Variants in SLC9A1 observed in about 807,000 individuals in gnomAD.
SLC9A1 encodes solute carrier family 9 member A1, also known as sodium/hydrogen exchanger 1.
A neutral mutation model predicts 67.9 loss-of-function variants in SLC9A1; 22 were observed. The ratio of observed to expected loss-of-function variants is 0.32; its 90% CI spans 0.23 to 0.46. SLC9A1 has a LOEUF of 0.46. SLC9A1 is among the 20% of genes least tolerant of loss of function. SLC9A1 has a pLI of 1.00. For synonymous variants in SLC9A1, 421 were observed against 471.8 expected (o/e 0.89, Z 1.40); for missense variants, 686 against 1,094.8 (o/e 0.63, Z 5.27).
intron 1 of SLC9A1, among the ~76,000 whole-genome samples, chr1:27,129,307 C>A (rs139777337): frequency 6.6e-6 from 1 of 152,142 alleles, no homozygotes; most frequent in Non-Finnish European, 1.5e-5. Flanking sequence ...AGAGACAGGG[C>A]ATGCTTGGAG....
At chr1:27,131,938 G>GAA (rs1351315440) in intron 1 of SLC9A1, among the ~76,000 whole-genome samples, 959 of 34,928 alleles carry the variant, frequency 0.027, 51 homozygotes, top group Middle Eastern at 0.093. Flanking sequence ...AGAAGAAGAA[G>GAA]AAAAAAAAAA....
chr1:27,100,759 G>T lies in SLC9A1; in HGVS notation c.2111-115C>A. 1.2e-6 allele frequency: 1 copy of T among 807,290 alleles called. No homozygotes were observed. Among genetic ancestry groups the T allele is most frequent in the Non-Finnish European group, 2.0e-6 (1 of 502,466 alleles). 50.0% of individuals were successfully genotyped at this position (807,290 alleles called of 1,614,324 possible). ...CCTTCTCATGAGCACAGCCGTCCCG[G>T]TCCCAACAGGCCTCAGAAGCAGGCC... is the stretch of plus-strand genomic sequence containing the variant. On this transcript the variant is annotated intron_variant, in intron 11 of 11. Coordinates refer to ENST00000263980, the MANE Select transcript of SLC9A1 (RefSeq NM_003047.5). The surrounding 1 kb of genome is among the most constrained non-coding windows in gnomAD (Gnocchi z 5.6).
chr1:27,102,329 G>A (rs2083152736), intron 8 of SLC9A1, 56 bp downstream of exon 8: 12 of 1,543,028 alleles, frequency 7.8e-6, no homozygotes, highest in Admixed American at 3.8e-5. Context: ...ACCTCCAACC[G>A]GGCTTGAGGG....
At chr1:27,139,864 C>G (rs912851052) in intron 1 of SLC9A1, among the ~76,000 whole-genome samples, 27 of 151,418 alleles carry the variant, frequency 1.8e-4, no homozygotes, top group Non-Finnish European at 3.8e-4. Flanking sequence ...GCGATCTCGG[C>G]TCACAGCAAC....
Position 27,114,923 on chromosome 1 carries a change from T to C in SLC9A1, c.353-637A>G, listed in dbSNP as rs946965848. Among the ~76,000 whole-genome samples, 1 of 152,176 alleles carries C rather than the reference T, an allele frequency of 6.6e-6. No homozygotes were observed. Among genetic ancestry groups the C allele is most frequent in the Non-Finnish European group, 1.5e-5 (1 of 68,030 alleles). ...AAACCTGCAAAACAGTAGGCTTTCCTACTGAGTCCAGGCAGCTGCTCAAGA... is the reference window on the plus strand; with the variant it reads ...AAACCTGCAAAACAGTAGGCTTTCCCACTGAGTCCAGGCAGCTGCTCAAGA... On this transcript the variant is annotated intron_variant, in intron 1 of 11. Transcript: ENST00000263980. The surrounding 1 kb of genome is among the most constrained non-coding windows in gnomAD (Gnocchi z 5.4).
Position 27,100,793 on chromosome 1 carries a change from C to T in SLC9A1, c.2111-149G>A, listed in dbSNP as rs2083137443. ...GGCCTCAGAAGCAGGCCTCTGCGACCTTCCACCCCACAGCTTCTCTTCCTC... is the reference window on the plus strand; with the variant it reads ...GGCCTCAGAAGCAGGCCTCTGCGACTTTCCACCCCACAGCTTCTCTTCCTC... On this transcript the variant is annotated intron_variant, in intron 11 of 11. Coordinates refer to ENST00000263980, the MANE Select transcript of SLC9A1 (RefSeq NM_003047.5). This position sits in a 1 kb window ranked among gnomAD's most constrained non-coding sequence, Gnocchi z 5.6. 7.5e-6 allele frequency: 5 copies of T among 662,724 alleles called. No homozygotes were observed. The highest frequency in any genetic ancestry group is 1.8e-5 in the South Asian group (1 of 54,902). 41.1% of individuals were successfully genotyped at this position (662,724 alleles called of 1,614,324 possible).
rs563395199 is a variant in SLC9A1, at chr1:27,119,177, T to C, written c.353-4891A>G. On this transcript the variant is annotated intron_variant, in intron 1 of 11. Coordinates refer to ENST00000263980, the MANE Select transcript of SLC9A1 (RefSeq NM_003047.5). The stretch of plus-strand genomic sequence containing the variant: ...CTGCACCACAAGAATGTTTTATTTA[T>C]ATCTCCTCGGACGGTCCCCATCTGT... Among the ~76,000 whole-genome samples, 129 of 152,228 alleles carry C rather than the reference T, an allele frequency of 8.5e-4. 2 individuals are homozygous for C. The highest frequency in any genetic ancestry group is 1.6e-3 in the Admixed American group (25 of 15,304).
chr1:27,141,802 G>A (rs1292009067), intron 1 of SLC9A1, among the ~76,000 whole-genome samples: 6 of 152,296 alleles, frequency 3.9e-5, no homozygotes, highest in South Asian at 2.1e-4. Context: ...AGTTGGCCCC[G>A]CCTCATGCTG....
intron 2 of SLC9A1, among the ~76,000 whole-genome samples, chr1:27,112,018 A>G (rs994101029): frequency 6.6e-6 from 1 of 152,140 alleles, no homozygotes; most frequent in African/African-American, 2.4e-5. Context: ...CCCACTGGAG[A>G]GGGCTTTATC....
chr1:27,103,067 T>G (rs2083159283), intron 6 of SLC9A1, among the ~76,000 whole-genome samples, 156 bp downstream of exon 6: 3 of 152,090 alleles, frequency 2.0e-5, no homozygotes. Flanking sequence ...CACACCTTCC[T>G]ATGGCTAGAC....
chr1:27,141,863 C>T (rs936610392), intron 1 of SLC9A1, among the ~76,000 whole-genome samples: 3 of 152,154 alleles, frequency 2.0e-5, no homozygotes, highest in Admixed American at 6.5e-5. Context: ...TCCTGGCCAC[C>T]GGGGAGATAA....
At chr1:27,113,791 C>T (rs980596321) in intron 2 of SLC9A1, 35 bp downstream of exon 2, 16 of 1,543,234 alleles carry the variant, frequency 1.0e-5, no homozygotes, top group African/African-American at 5.4e-5. Context: ...GGGTTTGTAC[C>T]GTTTGGACAT....
At position 27,141,229 on chromosome 1, in the gene SLC9A1, T is replaced by A. The variant is rs552776174; in HGVS notation, c.352+12754A>T. Among the ~76,000 whole-genome samples the A allele has an allele frequency of 1.1e-3, 163 of 152,262 alleles. 1 individual carries two copies. The highest frequency in any genetic ancestry group is 3.8e-3 in the African/African-American group (156 of 41,560). ...AATAAAAAATTAAAAAAAATTTTTT[T>A]AAAACAGGATAAGTGACTTGCCCAA... On this transcript the variant is annotated intron_variant, in intron 1 of 11. Coordinates refer to ENST00000263980, the MANE Select transcript of SLC9A1 (RefSeq NM_003047.5).
rs1444921863 is a variant in SLC9A1, at chr1:27,118,230, T to C, written c.353-3944A>G. On this transcript the variant is annotated intron_variant, in intron 1 of 11. Coordinates refer to ENST00000263980, the MANE Select transcript of SLC9A1 (RefSeq NM_003047.5). The surrounding 1 kb of genome is among the most constrained non-coding windows in gnomAD (Gnocchi z 4.3). ...AGGAGCTCTAGGCCCTGATGGGCTC[T>C]CTGGGCCTGAGGGGAGGGCCGGGCC... Among the ~76,000 whole-genome samples the C allele has an allele frequency of 6.6e-6, 1 of 152,144 alleles. No homozygotes were observed. Among genetic ancestry groups the C allele is most frequent in the African/African-American group, 2.4e-5 (1 of 41,428 alleles).
chr1:27,103,101 G>A (rs1570843784), intron 6 of SLC9A1, 122 bp downstream of exon 6: 1 of 769,906 alleles, frequency 1.3e-6, no homozygotes, highest in East Asian at 2.6e-5. Flanking sequence ...TGGGGCAGAG[G>A]GAGCCCCTGG....
intron 1 of SLC9A1, among the ~76,000 whole-genome samples, chr1:27,149,110 T>C (rs1171540518): frequency 6.6e-6 from 1 of 152,174 alleles, no homozygotes; most frequent in Non-Finnish European, 1.5e-5. Flanking sequence ...CCTACAGCTT[T>C]CTCAAGGCAG....
At chr1:27,125,594 G>A (rs2083337717) in intron 1 of SLC9A1, among the ~76,000 whole-genome samples, 1 of 147,638 alleles carries the variant, frequency 6.8e-6, no homozygotes. Flanking sequence ...AGCCAAGAGT[G>A]AAGCTTTTTT....
Position 27,101,923 on chromosome 1 carries a change from G to A in SLC9A1, c.1935+93C>T, listed in dbSNP as rs2083148563. The A allele has an allele frequency of 1.4e-6, 2 of 1,399,808 alleles. No individual in the cohort carries two copies. The highest frequency in any genetic ancestry group is 2.0e-6 in the Non-Finnish European group (2 of 990,422). The allele number at this position is 1,399,808 out of a possible 1,614,324, so 86.7% of individuals were successfully genotyped here. The stretch of plus-strand genomic sequence containing the variant: ...TGGAGGCCGGGCCAGTCCTGGGGTG[G>A]GTGCCGAGGGGCACGGGCAGGGCAG... On this transcript the variant is annotated intron_variant, in intron 9 of 11. Coordinates refer to ENST00000263980, the MANE Select transcript of SLC9A1 (RefSeq NM_003047.5). This position sits in a 1 kb window ranked among gnomAD's most constrained non-coding sequence, Gnocchi z 4.9.
At chr1:27,124,088 T>G (rs924734145) in intron 1 of SLC9A1, among the ~76,000 whole-genome samples, 3 of 152,130 alleles carry the variant, frequency 2.0e-5, no homozygotes, top group Non-Finnish European at 1.5e-5. Flanking sequence ...TCCATCTCTA[T>G]CCCTGGCCTG....
Sources: allele counts gnomAD v4.1 joint callset (sites outside exome capture counted in the v4.1 genomes callset), GRCh38; gene constraint gnomAD v4.1.1; non-coding constraint Gnocchi (gnomAD v3.1); transcripts MANE v1.5; gene names NCBI Gene and HGNC (gene_info 2026-07-23, HGNC 2026-07-21).